The following ZNF280B variants were observed in gnomAD, a reference collection of about 807,000 sequenced individuals.
ZNF280B encodes the protein zinc finger protein 280B.
In ZNF280B, 16 loss-of-function variants were observed where a neutral mutation model predicts 38.0. The ratio of observed to expected loss-of-function variants is 0.42; its 90% CI spans 0.28 to 0.64. ZNF280B has a LOEUF of 0.64. Ranked by LOEUF, ZNF280B falls within the 30% of genes least tolerant of loss-of-function variation. ZNF280B has a pLI of 0.21. For synonymous variants in ZNF280B, 253 were observed against 230.6 expected, an observed-to-expected ratio of 1.10 and a Z score of -0.88; for missense variants, 581 against 639.6, an observed-to-expected ratio of 0.91 and a Z score of 0.99.
chr22:22,508,463 A>AG (rs1323358147), intron 1 of ZNF280B, among the ~76,000 whole-genome samples, 196 bp downstream of exon 1: 1 of 151,568 alleles, frequency 6.6e-6, no homozygotes, highest in Non-Finnish European at 1.5e-5. Flanking sequence ...AGATTAGGGA[A>AG]GGGGGTGTGC....
At chr22:22,506,619 T>C (rs971801328) in intron 2 of ZNF280B, among the ~76,000 whole-genome samples, 5 of 151,742 alleles carry the variant, frequency 3.3e-5, no homozygotes, top group African/African-American at 7.3e-5. Flanking sequence ...AGATGTGGCA[T>C]CAAAAACGAG....
intron 2 of ZNF280B, among the ~76,000 whole-genome samples, chr22:22,503,313 G>A (rs116147043): frequency 2.0e-5 from 3 of 152,024 alleles, no homozygotes; most frequent in South Asian, 2.1e-4. Context: ...GCTGATGGTT[G>A]TACAATTTTG....
chr22:22,501,028 A>C (rs1355904159), intron 2 of ZNF280B, among the ~76,000 whole-genome samples: 1 of 110,426 alleles, frequency 9.1e-6, no homozygotes, highest in African/African-American at 4.0e-5. Context: ...TCAAAAAAAA[A>C]AAAAAAAAAA....
chr22:22,508,625 G>A (rs1249167962), intron 1 of ZNF280B, 34 bp downstream of exon 1: 1 of 152,048 alleles, frequency 6.6e-6, no homozygotes, highest in Non-Finnish European at 1.5e-5. Flanking sequence ...TCCCCTCAGG[G>A]AACGCTGAAG....
rs1223872872 is a variant in ZNF280B at position 22,488,851 on chromosome 22, A to T, written c.548T>A (p.Ile183Lys). 1 of 1,613,698 alleles carries T rather than the reference A, an allele frequency of 6.2e-7. No homozygotes were observed. The highest frequency in any genetic ancestry group is 8.5e-7 in the Non-Finnish European group (1 of 1,179,974). The change falls in exon 4 of 4, where the codon ATA becomes AAA. Residue 183 changes from isoleucine (I) to lysine (K), a missense_variant. Physicochemically the swap from Ile to Lys is moderately radical, Grantham distance 102. Coordinates refer to ENST00000626650, the MANE Select transcript of ZNF280B (RefSeq NM_080764.4). ...KQLSTFEVNSINPKRAKLRDG... is the reference protein window; with the variant it reads ...KQLSTFEVNSKNPKRAKLRDG... ...CCTGAGTTTAGCCCTTTTGGGATTTATGCTGTTTACTTCGAAAGTGGAAAG... is the reference window on the plus strand; with the variant it reads ...CCTGAGTTTAGCCCTTTTGGGATTTTTGCTGTTTACTTCGAAAGTGGAAAG...
intron 2 of ZNF280B, among the ~76,000 whole-genome samples, chr22:22,494,883 A>G (rs2061663808): frequency 6.6e-6 from 1 of 151,832 alleles, no homozygotes; most frequent in Non-Finnish European, 1.5e-5. Flanking sequence ...GCGTGCCACC[A>G]CGCCTGGCTA....
chr22:22,488,161 G>A lies in ZNF280B; in HGVS notation c.1238C>T (p.Ser413Leu), dbSNP rs1300672913. The change falls in exon 4 of 4, where the codon TCG (serine) becomes TTG (leucine). Residue 413 changes from serine to leucine, a missense_variant. Transcript: ENST00000626650. ...ATGTGTTTCTACATCAGCAAAGACC[G>A]ACGATCTATAATGGCAAACCTGGCA... ...YVCQVCHYRS[S>L]VFADVETHFR... 6 of 1,613,748 alleles carry A rather than the reference G, an allele frequency of 3.7e-6. No homozygotes were observed. The highest frequency in any genetic ancestry group is 2.2e-5 in the South Asian group (2 of 91,072).
rs767553304 is a variant in ZNF280B, at chr22:22,487,810, G to A, written c.1589C>T (p.Ser530Leu). Residue 530 changes from serine to leucine, a missense_variant, in exon 4 of 4, where the codon TCA (serine) becomes TTA (leucine). By Grantham distance (145) the Ser-to-Leu change is moderately radical. Coordinates refer to ENST00000626650, the MANE Select transcript of ZNF280B (RefSeq NM_080764.4). ...ITVSTSDSEP[S>L]LPRSKSKISK... ...AATTTTGCTTTTAGACCTGGGGAGTGATGGTTCAGAGTCAGATGTGCTCAC... is the reference window on the plus strand; with the variant it reads ...AATTTTGCTTTTAGACCTGGGGAGTAATGGTTCAGAGTCAGATGTGCTCAC... 1.2e-6 allele frequency: 2 copies of A among 1,606,082 alleles called. No individual in the cohort carries two copies. Among genetic ancestry groups the A allele is most frequent in the East Asian group, 4.5e-5 (2 of 44,754 alleles).
In ZNF280B at chr22:22,489,410, T is replaced by G. The variant is rs1184640145; in HGVS notation, c.-12A>C. 3 of 1,576,438 alleles carry G rather than the reference T, an allele frequency of 1.9e-6. No homozygotes were observed. Among genetic ancestry groups the G allele is most frequent in the Non-Finnish European group, 2.6e-6 (3 of 1,166,116 alleles). On this transcript the variant is annotated 5_prime_UTR_variant, in exon 4 of 4. Coordinates refer to ENST00000626650, the MANE Select transcript of ZNF280B (RefSeq NM_080764.4). ...CATGATTGTTCCATTTTCTAATTTT[T>G]TTATTCCTGAATGGTGGGGCCACAA... is the stretch of plus-strand genomic sequence containing the variant.
At position 22,489,590 on chromosome 22, in the gene ZNF280B, A is replaced by G. The variant is rs564973027; in HGVS notation, c.-68-124T>C. On this transcript the variant is annotated intron_variant, in intron 3 of 3. Coordinates refer to ENST00000626650, the MANE Select transcript of ZNF280B (RefSeq NM_080764.4). The stretch of plus-strand genomic sequence containing the variant: ...GGACACTGAGACTGAAAGAGGATAA[A>G]TAACAGCTTAAAACCTGTGATAAAA... 2.4e-5 allele frequency: 13 copies of G among 542,902 alleles called. No homozygotes were observed. In the Admixed American group the frequency reaches 4.0e-4, roughly 17 times the overall value. The allele number at this position is 542,902 out of a possible 1,614,324, so 33.6% of individuals were successfully genotyped here.
rs1368374973 is a variant in ZNF280B at position 22,485,943 on chromosome 22, AC to A, written c.*1823del. The stretch of plus-strand genomic sequence containing the variant: ...AGACTGCTGATGTTCAGGAACCAAT[AC>A]TCAAAAGGTACTCCAGAATACTGTG... On this transcript the variant is annotated 3_prime_UTR_variant, in exon 4 of 4. Transcript: ENST00000626650. 4 of 152,128 alleles carry A rather than the reference AC, an allele frequency of 2.6e-5. No homozygotes were observed. Among genetic ancestry groups the A allele is most frequent in the African/African-American group, 9.6e-5 (4 of 41,504 alleles). 9.4% of individuals were successfully genotyped at this position (152,128 alleles called of 1,614,324 possible). A position where few individuals can be genotyped will look rare whatever the true frequency, so the allele number is the denominator to read the frequency against.
chr22:22,500,456 G>A (rs1008033435), intron 2 of ZNF280B, among the ~76,000 whole-genome samples: 2 of 151,842 alleles, frequency 1.3e-5, no homozygotes, highest in East Asian at 2.0e-4. Flanking sequence ...TTTGAACCTT[G>A]AGGATATTAT....
intron 1 of ZNF280B, among the ~76,000 whole-genome samples, 192 bp downstream of exon 1, chr22:22,508,467 G>A (rs923684309): frequency 6.6e-6 from 1 of 151,680 alleles, no homozygotes; most frequent in Non-Finnish European, 1.5e-5. Context: ...TAGGGAAGGG[G>A]GTGTGCGTGA....
chr22:22,507,796 TTC>T lies in ZNF280B; in HGVS notation c.-187+12_-187+13del, dbSNP rs1475156464. ...CAACTTTGGTCCTCATCAGGGAGACTTCTCTTTTCTTACCTCAGGTTTATTAC... is the reference window on the plus strand; with the variant it reads ...CAACTTTGGTCCTCATCAGGGAGACTTCTTTTCTTACCTCAGGTTTATTAC... On this transcript the variant is annotated intron_variant, in intron 2 of 3. Coordinates refer to ENST00000626650, the MANE Select transcript of ZNF280B (RefSeq NM_080764.4). 1.3e-5 allele frequency: 2 copies of T among 151,924 alleles called. No individual in the cohort carries two copies. The highest frequency in any genetic ancestry group is 2.4e-5 in the African/African-American group (1 of 41,362). The allele number at this position is 151,924 out of a possible 1,614,324, so 9.4% of individuals were successfully genotyped here. A position where few individuals can be genotyped will look rare whatever the true frequency, so the allele number is the denominator to read the frequency against.
intron 2 of ZNF280B, among the ~76,000 whole-genome samples, chr22:22,500,878 G>A (rs972276600): frequency 9.3e-5 from 14 of 151,122 alleles, no homozygotes; most frequent in Non-Finnish European, 1.5e-4. Flanking sequence ...TTAGCTGGGC[G>A]TAGTGGTGGC....
At chr22:22,497,269 A>G (rs201416477) in intron 2 of ZNF280B, among the ~76,000 whole-genome samples, 1 of 133,670 alleles carries the variant, frequency 7.5e-6, no homozygotes, top group Non-Finnish European at 1.6e-5. Flanking sequence ...AGTGGCTCAC[A>G]CCTGTAATCC....
At chr22:22,495,583 T>C (rs573222220) in intron 2 of ZNF280B, among the ~76,000 whole-genome samples, 2 of 152,040 alleles carry the variant, frequency 1.3e-5, no homozygotes, top group Non-Finnish European at 1.5e-5. Context: ...TTTTACGTAG[T>C]GTAGTCAGAG....
At chr22:22,507,000 T>C (rs984464751) in intron 2 of ZNF280B, among the ~76,000 whole-genome samples, 1 of 151,920 alleles carries the variant, frequency 6.6e-6, no homozygotes, top group African/African-American at 2.4e-5. Context: ...CTTCAGAAAT[T>C]AGGTCATAAA....
At chr22:22,506,353 G>A (rs901256278) in intron 2 of ZNF280B, among the ~76,000 whole-genome samples, 8 of 151,774 alleles carry the variant, frequency 5.3e-5, no homozygotes, top group Admixed American at 3.3e-4. Context: ...CAGGTGGGAG[G>A]AGAATTGAGA....
Sources: gnomAD v4.1 joint callset for allele counts (sites outside exome capture counted in the v4.1 genomes callset) on GRCh38, gnomAD v4.1.1 for gene constraint, MANE v1.5 for transcripts, NCBI Gene and HGNC (gene_info 2026-07-23, HGNC 2026-07-21) for gene names.